PRRC2C: variants seen among roughly 807,000 people sequenced by gnomAD.
PRRC2C encodes the protein proline rich coiled-coil 2C.
Under a neutral mutation model 317.2 loss-of-function variants are expected in PRRC2C, and 72 were observed. That is an observed-to-expected ratio of 0.23 (90% CI 0.19 to 0.28). PRRC2C has a LOEUF of 0.28. Ranked by LOEUF, PRRC2C falls within the 10% of genes least tolerant of loss-of-function variation. PRRC2C has a pLI of 1.00. For missense variants in PRRC2C, 3,074 were observed against 3,459.7 expected (o/e 0.89, Z 2.80); for synonymous variants, 1,296 against 1,205.9 (o/e 1.07, Z -1.55).
intron 1 of PRRC2C, among the ~76,000 whole-genome samples, chr1:171,497,466 T>C (rs1412028551): frequency 6.6e-6 from 1 of 152,162 alleles, no homozygotes; most frequent in Non-Finnish European, 1.5e-5. Flanking sequence ...TTTTTATTTT[T>C]ATTTTTATTT....
intron 12 of PRRC2C, among the ~76,000 whole-genome samples, chr1:171,533,807 AG>A (rs1383584195): frequency 6.6e-6 from 1 of 152,188 alleles, no homozygotes; most frequent in Non-Finnish European, 1.5e-5. Context: ...TATTTTTAGT[AG>A]AGACGGGGTT....
intron 1 of PRRC2C, among the ~76,000 whole-genome samples, chr1:171,487,180 T>C (rs1666289702): frequency 1.3e-5 from 2 of 152,218 alleles, no homozygotes; most frequent in Non-Finnish European, 2.9e-5. Flanking sequence ...ACATTTTTTT[T>C]TTAATCTCCA....
At chr1:171,545,736 T>TTC (rs1678991957) in intron 17 of PRRC2C, 49 bp downstream of exon 17, 3 of 1,089,710 alleles carry the variant, frequency 2.8e-6, no homozygotes, top group Non-Finnish European at 3.5e-6. Context: ...TTTATTTATT[T>TTC]ATTTATTTAT....
intron 32 of PRRC2C, among the ~76,000 whole-genome samples, chr1:171,588,163 C>T (rs1650487581): frequency 1.3e-5 from 2 of 152,064 alleles, no homozygotes; most frequent in Non-Finnish European, 2.9e-5. Context: ...ATTGTCCAAG[C>T]TGGTCTCGAA....
Position 171,589,442 on chromosome 1 carries a change from A to G in PRRC2C, c.8273A>G (p.Gln2758Arg). 1 of 1,289,426 alleles carries G rather than the reference A, an allele frequency of 7.8e-7. No individual in the cohort carries two copies. Among genetic ancestry groups the G allele is most frequent in the Middle Eastern group, 2.1e-4 (1 of 4,696 alleles). 79.9% of individuals were successfully genotyped at this position (1,289,426 alleles called of 1,614,324 possible). ...ACTAACACCTTCCCAGCGCCTGTTC[A>G]GAGGCCACCAATGGCACTGGCCAGT... ...PHTNTFPAPV[Q>R]RPPMALASQM... The change falls in exon 34 of 35, where the codon CAG (glutamine) becomes CGG (arginine). Residue 2758 changes from glutamine to arginine, a missense_variant. Gln to Arg is a conservative substitution (Grantham distance 43). This residue lies in a region of PRRC2C where 490 missense variants were observed against 663.1 expected (regional missense o/e 0.74). Transcript: ENST00000647382.
intron 18 of PRRC2C, among the ~76,000 whole-genome samples, chr1:171,554,846 G>T (rs1360578493): frequency 1.3e-5 from 2 of 152,160 alleles, no homozygotes; most frequent in Non-Finnish European, 2.9e-5. Flanking sequence ...TAGTCTGATG[G>T]GCTTCCCTTT....
intron 15 of PRRC2C, among the ~76,000 whole-genome samples, chr1:171,539,301 G>A (rs1677490847): frequency 1.3e-5 from 2 of 152,096 alleles, no homozygotes; most frequent in Admixed American, 1.3e-4. Context: ...CACCGCACCC[G>A]GCCCTATTTA....
At chr1:171,517,155 A>G (rs1256253135) in intron 5 of PRRC2C, among the ~76,000 whole-genome samples, 1 of 152,204 alleles carries the variant, frequency 6.6e-6, no homozygotes, top group Non-Finnish European at 1.5e-5. Context: ...ACTTGGGGGC[A>G]TCTGTAACTA....
chr1:171,558,062 C>T lies in PRRC2C; in HGVS notation c.5950C>T (p.Gln1984Ter). The part of the protein sequence containing the change: ...VASGKSIQTP[Q>*]SHGTLTAELW... ...CTCAGGAAAATCCATCCAGACCCCA[C>T]AGTCACATGGCACTCTGACAGCTGA... Residue 1984 changes from glutamine (Q) to a stop codon, truncating the protein, a stop_gained, in exon 19 of 35, where the codon CAG becomes TAG. Transcript: ENST00000647382. LOFTEE classifies it high-confidence loss of function. 1 of 1,614,008 alleles carries T rather than the reference C, an allele frequency of 6.2e-7. No homozygotes were observed. Among genetic ancestry groups the T allele is most frequent in the Non-Finnish European group, 8.5e-7 (1 of 1,179,904 alleles).
chr1:171,516,291 A>T (rs903192867), intron 5 of PRRC2C, among the ~76,000 whole-genome samples: 2 of 152,238 alleles, frequency 1.3e-5, no homozygotes, highest in African/African-American at 2.4e-5. Context: ...GTACATTACA[A>T]AGCAAAAACT....
At chr1:171,515,919 C>A in intron 5 of PRRC2C, 60 bp downstream of exon 5, 1 of 1,485,138 alleles carries the variant, frequency 6.7e-7, no homozygotes, top group Non-Finnish European at 9.0e-7. Flanking sequence ...TCTTGCAATA[C>A]AACCTCCTGC....
At chr1:171,591,478 AGT>A in intron 34 of PRRC2C, 107 bp from the exon 35 acceptor site, 1 of 1,387,092 alleles carries the variant, frequency 7.2e-7, no homozygotes, top group East Asian at 2.3e-5. Flanking sequence ...TGGCCAAACC[AGT>A]GTGGGGAAAA....
At chr1:171,582,638 G>A (rs540060107) in intron 28 of PRRC2C, among the ~76,000 whole-genome samples, 34 of 152,164 alleles carry the variant, frequency 2.2e-4, no homozygotes, top group Non-Finnish European at 3.8e-4. Context: ...GTAAATATTT[G>A]TGTCTAAACA....
chr1:171,579,868 C>T lies in PRRC2C; in HGVS notation c.7313C>T (p.Pro2438Leu). Residue 2438 changes from proline (P) to leucine (L), a missense_variant, in exon 28 of 35, where the codon CCA (proline) becomes CTA (leucine). By Grantham distance (98) the Pro-to-Leu change is moderately conservative. Transcript: ENST00000647382. ...VQQIPIPIYA[P>L]LQGQHQAQLS... ...CAGATTCCAATCCCTATTTATGCAC[C>T]ACTGCAAGGGCAGCATCAAGCCCAA... is the stretch of plus-strand genomic sequence containing the variant. 6.3e-7 allele frequency: 1 copy of T among 1,589,220 alleles called. No homozygotes were observed. Among genetic ancestry groups the T allele is most frequent in the Non-Finnish European group, 8.5e-7 (1 of 1,170,956 alleles).
chr1:171,557,551 C>T lies in PRRC2C; in HGVS notation c.5439C>T (p.Ala1813=). Residue 1813 remains alanine (A), a synonymous_variant, in exon 19 of 35, where the codon GCC becomes GCT. Transcript: ENST00000647382. Reference sequence around the variant, plus strand: ...CCTCACCCTTAGCTCCAGTTTCAGCCTCAGCCTCAGTCTCAGCTTCAGTTC... The same window carrying T: ...CCTCACCCTTAGCTCCAGTTTCAGCTTCAGCCTCAGTCTCAGCTTCAGTTC... ...VPASPLAPVS[A]SASVSASVPA... 6.4e-7 allele frequency: 1 copy of T among 1,551,614 alleles called. No homozygotes were observed. Among genetic ancestry groups the T allele is most frequent in the Non-Finnish European group, 8.7e-7 (1 of 1,146,970 alleles).
intron 19 of PRRC2C, among the ~76,000 whole-genome samples, chr1:171,559,576 C>T (rs899269547): frequency 3.3e-5 from 4 of 122,188 alleles, no homozygotes; most frequent in African/African-American, 9.5e-5. Flanking sequence ...GGCTGGAGTG[C>T]AGTGGCTCAA....
In PRRC2C at chr1:171,536,318, T is replaced by A. The variant is rs1252364580; in HGVS notation, c.2293+40T>A. On this transcript the variant is annotated intron_variant, in intron 14 of 34. Transcript: ENST00000647382. ...CATTTATAGTTTTACAGGATCAAAA[T>A]TTTTTTTTCCCTGCTTTTAGTTTCA... 5 of 1,567,646 alleles carry A rather than the reference T, an allele frequency of 3.2e-6. No individual in the cohort carries two copies. In the South Asian group the frequency reaches 3.5e-5, roughly 11 times the overall value.
In PRRC2C at chr1:171,536,034, G is replaced by A. The variant is rs1380248989; in HGVS notation, c.2049G>A (p.Gln683=). 1 of 1,552,190 alleles carries A rather than the reference G, an allele frequency of 6.4e-7. No homozygotes were observed. Residue 683 remains glutamine, a synonymous_variant, in exon 14 of 35, where the codon CAG becomes CAA. Coordinates refer to ENST00000647382, the MANE Select transcript of PRRC2C (RefSeq NM_001387844.1). Reference sequence around the variant, plus strand: ...ATGGGATCTTACTTTTTCAGGAACAGATGAAACAGCAGCAGTGGCAGCAGC... The same window carrying A: ...ATGGGATCTTACTTTTTCAGGAACAAATGAAACAGCAGCAGTGGCAGCAGC... ...LPPRFQRQQE[Q]MKQQQWQQQQ...
intron 3 of PRRC2C, among the ~76,000 whole-genome samples, chr1:171,514,123 G>A (rs1671875826): frequency 6.6e-6 from 1 of 152,128 alleles, no homozygotes; most frequent in Non-Finnish European, 1.5e-5. Context: ...TGCCAGGTGG[G>A]GAGTTTGCTT....
Sources: gnomAD v4.1 joint callset for allele counts (sites outside exome capture counted in the v4.1 genomes callset) on GRCh38, gnomAD v4.1.1 for gene constraint, gnomAD v4.1.1 regional missense constraint, MANE v1.5 for transcripts, NCBI Gene and HGNC (gene_info 2026-07-23, HGNC 2026-07-21) for gene names.